The following FMN1 variants were observed in gnomAD, a reference collection of about 807,000 sequenced individuals.
FMN1 encodes the protein formin 1.
A neutral mutation model predicts 132.4 loss-of-function variants in FMN1; 110 were observed. The ratio of observed to expected loss-of-function variants is 0.83; its 90% CI spans 0.71 to 0.97. The LOEUF (loss-of-function observed/expected upper bound fraction) is 0.97. FMN1 is among the 50% of genes least tolerant of loss of function. The probability of loss-of-function intolerance (pLI) is 0.00; values close to 1 mark genes in which losing one functional copy is unlikely to be tolerated. For synonymous variants in FMN1, 722 were observed against 651.7 expected (o/e 1.11, Z -1.64); for missense variants, 1,792 against 1,705.3 (o/e 1.05, Z -0.90).
chr15:32,886,046 G>A (rs1241834206), intron 16 of FMN1, among the ~76,000 whole-genome samples: 1 of 144,508 alleles, frequency 6.9e-6, no homozygotes, highest in Non-Finnish European at 1.6e-5. Flanking sequence ...TATGGAAAAG[G>A]AGGTGAAACC....
At chr15:33,094,435 A>G (rs1178557376) in intron 4 of FMN1, among the ~76,000 whole-genome samples, 1 of 152,184 alleles carries the variant, frequency 6.6e-6, no homozygotes, top group Non-Finnish European at 1.5e-5. Context: ...GTCAGAGAAG[A>G]TAAGGAGAAT....
intron 6 of FMN1, among the ~76,000 whole-genome samples, chr15:33,013,219 C>T (rs1218372844): frequency 6.6e-6 from 1 of 152,092 alleles, no homozygotes; most frequent in African/African-American, 2.4e-5. Flanking sequence ...ACAATACTCC[C>T]GTGTATGGGC....
At chr15:32,837,438 CTCTT>C (rs1243320148) in intron 17 of FMN1, 1 of 152,864 alleles carries the variant, frequency 6.5e-6, no homozygotes, top group African/African-American at 2.4e-5. Flanking sequence ...CTCCCTCAGT[CTCTT>C]TATTATATGC....
In FMN1 at chr15:32,817,029, G is replaced by T. The variant is rs371032317; in HGVS notation, c.3929-12697C>A. 5.3e-4 allele frequency among the ~76,000 whole-genome samples: 80 copies of T among 152,046 alleles called. 1 individual carries two copies. In the East Asian group the frequency reaches 0.013, roughly 24 times the overall value. On this transcript the variant is annotated intron_variant, in intron 17 of 20. Coordinates refer to ENST00000616417, the MANE Select transcript of FMN1 (RefSeq NM_001277313.2). ...GTTAACTAAAGAAAAACTAAGAGAAGAAAGAAGCCATACTTATACATGATT... is the reference window on the plus strand; with the variant it reads ...GTTAACTAAAGAAAAACTAAGAGAATAAAGAAGCCATACTTATACATGATT...
rs150193576 is a variant in FMN1 at position 32,797,177 on chromosome 15, C to A, written c.4130+1627G>T. 1.1e-4 allele frequency among the ~76,000 whole-genome samples: 16 copies of A among 152,324 alleles called. No homozygotes were observed. The East Asian group carries it at 3.1e-3, about 29-fold the overall frequency. The stretch of plus-strand genomic sequence containing the variant: ...TCTAACTTCTATGATACAGAACACT[C>A]TTTAATGTGGAATACAGTTATTTCA... On this transcript the variant is annotated intron_variant, in intron 19 of 20. Coordinates refer to ENST00000616417, the MANE Select transcript of FMN1 (RefSeq NM_001277313.2).
rs1249219326 is a variant in FMN1 at position 32,950,014 on chromosome 15, TACAC to T, written c.3138+14089_3138+14092del. Among the ~76,000 whole-genome samples, 4 of 7,126 alleles carry T rather than the reference TACAC, an allele frequency of 5.6e-4. 1 individual carries two copies. Among genetic ancestry groups the T allele is most frequent in the Admixed American group, 2.0e-3 (1 of 504 alleles). The allele number at this position is 7,126 out of a possible 152,430, so 4.7% of individuals were successfully genotyped here. On this transcript the variant is annotated intron_variant, in intron 9 of 20. Transcript: ENST00000616417. ...ATATATACACATACACATATATATATACACATATATATATATATACACATATATA... is the reference window on the plus strand; with the variant it reads ...ATATATACACATACACATATATATATATATATATATATATACACATATATA...
intron 4 of FMN1, among the ~76,000 whole-genome samples, chr15:33,135,664 T>C (rs1396978362): frequency 6.6e-6 from 1 of 152,214 alleles, no homozygotes; most frequent in Non-Finnish European, 1.5e-5. Flanking sequence ...CTGTGTAAGA[T>C]GGGACTCTCT....
At chr15:33,065,466 C>G (rs189590742) in intron 5 of FMN1, among the ~76,000 whole-genome samples, 1 of 152,322 alleles carries the variant, frequency 6.6e-6, no homozygotes, top group Admixed American at 6.5e-5. Context: ...TTATTTAACA[C>G]AAAGACTAAT....
intron 15 of FMN1, among the ~76,000 whole-genome samples, chr15:32,896,589 G>A (rs347927): frequency 1.3e-5 from 2 of 151,876 alleles, no homozygotes; most frequent in Non-Finnish European, 2.9e-5. Flanking sequence ...CCCCATTCCC[G>A]CATCATTCAT....
intron 5 of FMN1, among the ~76,000 whole-genome samples, chr15:33,072,469 A>G (rs959210016): frequency 1.4e-5 from 2 of 147,346 alleles, no homozygotes; most frequent in Non-Finnish European, 3.0e-5. Context: ...ATATTCTGTT[A>G]TAACTCTGTT....
At chr15:33,103,612 ATGT>A (rs2039374749) in intron 4 of FMN1, among the ~76,000 whole-genome samples, 1 of 152,112 alleles carries the variant, frequency 6.6e-6, no homozygotes, top group South Asian at 2.1e-4. Context: ...AATATTTGAA[ATGT>A]TGTTTCTCAT....
intron 4 of FMN1, chr15:33,151,501 C>A (rs1489002497): frequency 2.1e-6 from 2 of 934,296 alleles, no homozygotes; most frequent in African/African-American, 3.3e-5. Flanking sequence ...ACTGAATGTG[C>A]TCTGTGTGCC....
At chr15:33,101,395 T>A (rs116242403) in intron 4 of FMN1, among the ~76,000 whole-genome samples, 2 of 152,080 alleles carry the variant, frequency 1.3e-5, no homozygotes, top group Admixed American at 1.3e-4. Context: ...CTGGGCCACA[T>A]TGGAAGAAAA....
At chr15:33,120,614 T>C (rs1380603039) in intron 4 of FMN1, among the ~76,000 whole-genome samples, 1 of 33,442 alleles carries the variant, frequency 3.0e-5, no homozygotes, top group Non-Finnish European at 5.4e-5. Context: ...AAGATACTGT[T>C]CGGCAGCTTT....
chr15:32,845,911 T>G (rs2058844456), intron 17 of FMN1, among the ~76,000 whole-genome samples: 1 of 152,070 alleles, frequency 6.6e-6, no homozygotes, highest in Non-Finnish European at 1.5e-5. Context: ...AATTTCATCT[T>G]CATAATGACA....
At chr15:32,936,482 TA>T (rs2061273872) in intron 9 of FMN1, among the ~76,000 whole-genome samples, 1 of 152,176 alleles carries the variant, frequency 6.6e-6, no homozygotes, top group South Asian at 2.1e-4. Flanking sequence ...CAGGAGCTCA[TA>T]ATCCCTGCTC....
At chr15:33,074,449 A>G (rs1264096695) in intron 5 of FMN1, among the ~76,000 whole-genome samples, 2 of 152,252 alleles carry the variant, frequency 1.3e-5, no homozygotes. Flanking sequence ...AATTGGTTAA[A>G]AAGAAAACAG....
intron 9 of FMN1, among the ~76,000 whole-genome samples, chr15:32,932,121 A>G (rs2061135252): frequency 6.6e-6 from 1 of 152,190 alleles, no homozygotes; most frequent in Admixed American, 6.5e-5. Context: ...TTACTGGGCC[A>G]GGTGCAGTGG....
chr15:32,946,768 T>A (rs2061520089), intron 9 of FMN1, among the ~76,000 whole-genome samples: 2 of 152,056 alleles, frequency 1.3e-5, no homozygotes. Flanking sequence ...CATACACGAG[T>A]AAGAGGCATC....
Sources: gnomAD v4.1 joint callset for allele counts (sites outside exome capture counted in the v4.1 genomes callset) on GRCh38, gnomAD v4.1.1 for gene constraint, MANE v1.5 for transcripts, NCBI Gene and HGNC (gene_info 2026-07-23, HGNC 2026-07-21) for gene names.